NCOA2: variants seen among roughly 807,000 people sequenced by gnomAD.
NCOA2 encodes the protein nuclear receptor coactivator 2.
In NCOA2, 21 loss-of-function variants were observed where a neutral mutation model predicts 145.1. That is an observed-to-expected ratio of 0.14 (90% CI 0.10 to 0.21). The LOEUF is 0.21. NCOA2 is among the 10% of genes least tolerant of loss of function. NCOA2 has a pLI of 1.00. For missense variants in NCOA2, 1,472 were observed against 1,837.6 expected, an observed-to-expected ratio of 0.80 and a Z score of 3.64; for synonymous variants, 619 against 637.5, an observed-to-expected ratio of 0.97 and a Z score of 0.44.
In NCOA2 at chr8:70,121,374, C is replaced by A; in HGVS notation, c.4311G>T (p.Leu1437=). 6.2e-7 allele frequency: 1 copy of A among 1,611,800 alleles called. No individual in the cohort carries two copies. The highest frequency in any genetic ancestry group is 8.5e-7 in the Non-Finnish European group (1 of 1,178,870). ...MGPEQVNDPA[L]RGGNLFPNQL... is the part of the protein sequence containing the mutation. ...GGTTTGGGAACAGGTTGCCTCCCCT[C>A]AGAGCAGGATCATTAACCTAAGGAC... The change falls in exon 22 of 23, where the codon CTG becomes CTT. Residue 1437 remains leucine (L), a synonymous_variant. Coordinates refer to ENST00000452400, the MANE Select transcript of NCOA2 (RefSeq NM_006540.4).
At chr8:70,395,714 A>C (rs1386681824) in intron 1 of NCOA2, among the ~76,000 whole-genome samples, 2 of 152,224 alleles carry the variant, frequency 1.3e-5, no homozygotes, top group Non-Finnish European at 2.9e-5. Flanking sequence ...ATAAGCAGGA[A>C]TGATCTGCTA....
intron 13 of NCOA2, 64 bp from the exon 14 acceptor site, chr8:70,141,463 C>A: frequency 7.2e-7 from 1 of 1,379,694 alleles, no homozygotes; most frequent in Non-Finnish European, 1.0e-6. Context: ...CATGTATGAA[C>A]ACCAGATGAT....
At chr8:70,298,858 A>G (rs1827281583) in intron 1 of NCOA2, among the ~76,000 whole-genome samples, 1 of 152,128 alleles carries the variant, frequency 6.6e-6, no homozygotes, top group African/African-American at 2.4e-5. Flanking sequence ...TCAGGAGATC[A>G]AGACCATCCC....
the NCOA2 span, among the ~76,000 whole-genome samples, chr8:70,437,656 A>G: frequency 2.0e-5 from 3 of 152,188 alleles, no homozygotes; most frequent in African/African-American, 7.2e-5. Context: ...CTCCACTTAA[A>G]GTTTTTCTCC....
chr8:70,402,325 G>A (rs1164490577), intron 1 of NCOA2: 3 of 152,344 alleles, frequency 2.0e-5, no homozygotes, highest in African/African-American at 7.2e-5. Context: ...CTCGGTCTCT[G>A]GTTTGGGAAA....
intron 2 of NCOA2, among the ~76,000 whole-genome samples, chr8:70,280,051 C>G (rs1825759414): frequency 6.6e-6 from 1 of 152,202 alleles, no homozygotes; most frequent in Admixed American, 6.5e-5. Flanking sequence ...AAGAATCTAT[C>G]TTCTTGTGTT....
At chr8:70,135,409 C>T (rs1809621315) in intron 15 of NCOA2, among the ~76,000 whole-genome samples, 2 of 152,148 alleles carry the variant, frequency 1.3e-5, no homozygotes, top group Non-Finnish European at 2.9e-5. Flanking sequence ...AACATAAACA[C>T]AGTATAGGTG....
chr8:70,381,287 G>A (rs75117950), intron 1 of NCOA2, among the ~76,000 whole-genome samples: 26 of 151,844 alleles, frequency 1.7e-4, no homozygotes, highest in African/African-American at 5.6e-4. Flanking sequence ...TCAGGAAGCC[G>A]CACAGAAAAA....
At chr8:70,167,004 T>C (rs995356426) in intron 6 of NCOA2, among the ~76,000 whole-genome samples, 7 of 152,188 alleles carry the variant, frequency 4.6e-5, no homozygotes, top group South Asian at 2.1e-4. Context: ...GGAATACATG[T>C]GGAATCTTGG....
At chr8:70,430,535 C>T in the NCOA2 span, among the ~76,000 whole-genome samples, 1 of 152,212 alleles carries the variant, frequency 6.6e-6, no homozygotes, top group Admixed American at 6.5e-5. Context: ...ATGTTTTCTT[C>T]TGCCTTGTGG....
chr8:70,431,022 A>T, the NCOA2 span, among the ~76,000 whole-genome samples: 1 of 152,184 alleles, frequency 6.6e-6, no homozygotes, highest in Non-Finnish European at 1.5e-5. Flanking sequence ...TTATGTCAAT[A>T]ATAAGGCAAA....
chr8:70,234,209 G>T (rs1821398948), intron 2 of NCOA2, among the ~76,000 whole-genome samples: 1 of 152,080 alleles, frequency 6.6e-6, no homozygotes, highest in African/African-American at 2.4e-5. Flanking sequence ...TCTTTTTATG[G>T]CCAAATATTC....
intron 2 of NCOA2, among the ~76,000 whole-genome samples, chr8:70,275,634 T>A (rs1027684776): frequency 5.3e-5 from 8 of 152,096 alleles, no homozygotes; most frequent in African/African-American, 1.7e-4. Context: ...GGAGAAAATA[T>A]GAAAAAAATT....
At chr8:70,446,611 AT>A in the NCOA2 span, among the ~76,000 whole-genome samples, 2 of 151,706 alleles carry the variant, frequency 1.3e-5, no homozygotes, top group Admixed American at 6.6e-5. Context: ...GTAAATCCCT[AT>A]TTTTTTCCCT....
At chr8:70,201,227 C>T (rs890069398) in intron 4 of NCOA2, among the ~76,000 whole-genome samples, 1 of 152,032 alleles carries the variant, frequency 6.6e-6, no homozygotes, top group Non-Finnish European at 1.5e-5. Context: ...ATAAGTATTA[C>T]AAGCAGAACT....
At position 70,163,475 on chromosome 8, in the gene NCOA2, C is replaced by T. The variant is rs1335603723; in HGVS notation, c.822G>A (p.Gln274=). ...GGAGAGGAAATTTACCTTGGAGATC[C>T]TGGCGAGTAGTAAAACTTTCTGATG... ...LPSSESFTTR[Q]DLQGKITSLD... The change falls in exon 8 of 23, where the codon CAG becomes CAA. Residue 274 remains glutamine (Q), a synonymous_variant. Transcript: ENST00000452400. The T allele has an allele frequency of 8.7e-6, 14 of 1,612,678 alleles. No homozygotes were observed. Among genetic ancestry groups the T allele is most frequent in the Non-Finnish European group, 1.2e-5 (14 of 1,178,920 alleles).
intron 4 of NCOA2, among the ~76,000 whole-genome samples, chr8:70,197,278 A>G (rs934543465): frequency 1.3e-5 from 2 of 151,988 alleles, no homozygotes; most frequent in African/African-American, 4.8e-5. Flanking sequence ...ATCTACATCA[A>G]CCTATCAATC....
At chr8:70,406,473 A>G (rs1341337259), upstream of NCOA2, among the ~76,000 whole-genome samples, 5 of 152,216 alleles carry the variant, frequency 3.3e-5, no homozygotes, top group African/African-American at 9.6e-5. Flanking sequence ...AAAAGAAGGC[A>G]AAGATATAGG....
rs1446044201 is a variant in NCOA2 at position 70,171,173 on chromosome 8, G to A, written c.364-794C>T. 3.3e-5 allele frequency among the ~76,000 whole-genome samples: 5 copies of A among 152,198 alleles called. No homozygotes were observed. In the East Asian group the frequency reaches 7.7e-4, roughly 23 times the overall value. ...TTTGTTGTCATCCCAACGGAGGTAA[G>A]GGAAGGAGATAAAGAATCTAGGATC... On this transcript the variant is annotated intron_variant, in intron 5 of 22. Transcript: ENST00000452400.
Sources: gnomAD v4.1 joint callset for allele counts (sites outside exome capture counted in the v4.1 genomes callset) on GRCh38, gnomAD v4.1.1 for gene constraint, MANE v1.5 for transcripts, NCBI Gene and HGNC (gene_info 2026-07-23, HGNC 2026-07-21) for gene names.